Variants in COL4A5 observed in about 807,000 individuals in gnomAD.
The protein encoded by COL4A5 is collagen type IV alpha 5 chain, also known as collagen alpha-5(IV) chain.
A neutral mutation model predicts 130.2 loss-of-function variants in COL4A5; 26 were observed. The observed-to-expected ratio is 0.20, with a 90% confidence interval of 0.15 to 0.28. The LOEUF is 0.28. Among genes scored for constraint, COL4A5 ranks in the 10% least tolerant of loss-of-function variants. The pLI is 1.00. For missense variants in COL4A5, 1,131 were observed against 1,344.3 expected (o/e 0.84, Z 2.48); for synonymous variants, 496 against 439.6 (o/e 1.13, Z -1.60).
chrX:108,522,457 G>C (rs931687910), intron 1 of COL4A5, among the ~76,000 whole-genome samples: 2 of 101,597 alleles, frequency 2.0e-5, no homozygotes, highest in Non-Finnish European at 4.0e-5. Flanking sequence ...GTTATTGTCT[G>C]TCTTGATTAT....
At chrX:108,576,109 A>AC in intron 10 of COL4A5, 137 bp downstream of exon 10, 3 of 470,143 alleles carry the variant, frequency 6.4e-6, no homozygotes, top group Non-Finnish European at 7.4e-6. Flanking sequence ...TGTAAAGGTG[A>AC]CTTTACAATG....
intron 43 of COL4A5, 24 bp downstream of exon 43, chrX:108,674,777 C>CTTTTTTTTTTTTTTTTTTTTT: frequency 1.0e-6 from 1 of 981,734 alleles, no homozygotes. Context: ...CTGGTCAATT[C>CTTTTTTTTTTTTTTTTTTTTT]TTTTTTTTTT....
At chrX:108,629,647 T>C (rs2067215802) in intron 36 of COL4A5, among the ~76,000 whole-genome samples, 1 of 111,439 alleles carries the variant, frequency 9.0e-6, no homozygotes, top group Non-Finnish European at 1.9e-5. Flanking sequence ...GAGCATAGTT[T>C]TTTATTTTAT....
chrX:108,536,891 A>G (rs1365797544), intron 1 of COL4A5, among the ~76,000 whole-genome samples: 4 of 111,758 alleles, frequency 3.6e-5, no homozygotes, highest in Non-Finnish European at 7.6e-5. Context: ...AAATGTTTCA[A>G]CTTCTGAAGT....
intron 52 of COL4A5, 107 bp downstream of exon 52, chrX:108,695,546 A>T: frequency 1.2e-6 from 1 of 839,230 alleles, no homozygotes; most frequent in Non-Finnish European, 1.8e-6. Context: ...TTAGGAATTT[A>T]TTGGATTGTG....
In COL4A5 at chrX:108,602,948, A is replaced by G; in HGVS notation, c.2147-16A>G. The G allele has an allele frequency of 1.8e-6, 2 of 1,110,701 alleles. No individual in the cohort carries two copies. Among genetic ancestry groups the G allele is most frequent in the Non-Finnish European group, 2.5e-6 (2 of 816,071 alleles). The allele number at this position is 1,110,701 out of a possible 1,213,427, so 91.5% of individuals were successfully genotyped here. On this transcript the variant is annotated splice_polypyrimidine_tract_variant and intron_variant, in intron 27 of 52. Coordinates refer to ENST00000328300, the MANE Select transcript of COL4A5 (RefSeq NM_033380.3). Reference sequence around the variant, plus strand: ...CCTTTCCTTTGGTGGTTAAAAAATGACTTATCATTTTACAGGCTTTCCTGG... The same window carrying G: ...CCTTTCCTTTGGTGGTTAAAAAATGGCTTATCATTTTACAGGCTTTCCTGG...
intron 2 of COL4A5, among the ~76,000 whole-genome samples, chrX:108,547,914 C>T (rs776525965): frequency 2.8e-4 from 31 of 111,995 alleles, no homozygotes; most frequent in Non-Finnish European, 5.1e-4. Flanking sequence ...GAGCCAGGCA[C>T]GGGATATAAT....
At chrX:108,581,678 A>G (rs1051991017) in intron 16 of COL4A5, among the ~76,000 whole-genome samples, 5 of 111,216 alleles carry the variant, frequency 4.5e-5, no homozygotes, top group African/African-American at 1.6e-4. Flanking sequence ...CCTTTCACAT[A>G]ACATAATACA....
At chrX:108,667,327 C>T (rs2147956916) in intron 40 of COL4A5, 144 bp downstream of exon 40, 2 of 518,094 alleles carry the variant, frequency 3.9e-6, no homozygotes, top group African/African-American at 2.4e-5. Flanking sequence ...AACGTTAAAA[C>T]ATTTATTATT....
intron 36 of COL4A5, chrX:108,627,583 A>G (rs774551086): frequency 3.3e-5 from 23 of 707,217 alleles, no homozygotes; most frequent in Middle Eastern, 8.1e-4. Context: ...TAGTTTCATA[A>G]AAGTGTAATT....
chrX:108,634,477 C>T (rs1242928735), intron 36 of COL4A5, among the ~76,000 whole-genome samples: 2 of 111,169 alleles, frequency 1.8e-5, no homozygotes, highest in Non-Finnish European at 3.8e-5. Context: ...AGATATTTTA[C>T]AAGTTTGAAA....
chrX:108,445,034 T>C (rs1303607139), intron 1 of COL4A5, among the ~76,000 whole-genome samples: 1 of 111,427 alleles, frequency 9.0e-6, no homozygotes, highest in Non-Finnish European at 1.9e-5. Context: ...TTTTTTTTTT[T>C]AGGATGAAAT....
At position 108,632,512 on chromosome X, in the gene COL4A5, G is replaced by T. The variant is rs1324035227; in HGVS notation, c.3246+6163G>T. Among the ~76,000 whole-genome samples, 6 of 110,721 alleles carry T rather than the reference G, an allele frequency of 5.4e-5. 1 individual carries two copies. Among genetic ancestry groups the T allele is most frequent in the Admixed American group, 1.9e-4 (2 of 10,422 alleles). On this transcript the variant is annotated intron_variant, in intron 36 of 52. Transcript: ENST00000328300. ...GGCATCATCCTGATATCAAAGCCTG[G>T]CAGAGACACAACAAAAAAAAGAGAA...
At chrX:108,456,985 C>T (rs73541606) in intron 1 of COL4A5, among the ~76,000 whole-genome samples, 11,596 of 110,909 alleles carry the variant, frequency 0.1, 1,299 homozygotes, top group African/African-American at 0.34. Context: ...GCACAGGCTT[C>T]GGGGGTCTGT....
At chrX:108,577,758 G>T (rs2066177471) in intron 10 of COL4A5, among the ~76,000 whole-genome samples, 194 bp from the exon 11 acceptor site, 1 of 110,903 alleles carries the variant, frequency 9.0e-6, no homozygotes, top group African/African-American at 3.3e-5. Flanking sequence ...TTTCTATTTT[G>T]TCATCAGAGG....
Position 108,544,322 on chromosome X carries a change from C to T in COL4A5, c.141+4517C>T, listed in dbSNP as rs190770602. Among the ~76,000 whole-genome samples, 21 of 112,112 alleles carry T rather than the reference C, an allele frequency of 1.9e-4. No individual in the cohort carries two copies. In the East Asian group the frequency reaches 5.8e-3, roughly 31 times the overall value. On this transcript the variant is annotated intron_variant, in intron 2 of 52. Transcript: ENST00000328300. ...TATTAAGAGCTTTTAGCCTGAAGGG[C>T]TGTTGAATTTTGTCAAAGGCCTTTT...
chrX:108,469,193 G>A (rs1158676009), intron 1 of COL4A5, among the ~76,000 whole-genome samples: 6 of 68,399 alleles, frequency 8.8e-5, no homozygotes, highest in Non-Finnish European at 1.8e-4. Context: ...TTTTTGAAAC[G>A]GGATCTTGCT....
chrX:108,655,038 G>C (rs2067810393), intron 36 of COL4A5, among the ~76,000 whole-genome samples: 1 of 111,634 alleles, frequency 9.0e-6, no homozygotes, highest in East Asian at 2.8e-4. Flanking sequence ...AGAATAGTAT[G>C]GGCTATGTAG....
chrX:108,632,805 A>G lies in COL4A5; in HGVS notation c.3246+6456A>G, dbSNP rs754056283. Among the ~76,000 whole-genome samples the G allele has an allele frequency of 2.7e-5, 3 of 111,931 alleles. No homozygotes were observed. The South Asian group carries it at 1.1e-3, about 42-fold the overall frequency. ...AGCCCTTCATGCTAAAAACTCAATAAACTAGGTATTGATGGAACGTATCTC... is the reference window on the plus strand; with the variant it reads ...AGCCCTTCATGCTAAAAACTCAATAGACTAGGTATTGATGGAACGTATCTC... On this transcript the variant is annotated intron_variant, in intron 36 of 52. Coordinates refer to ENST00000328300, the MANE Select transcript of COL4A5 (RefSeq NM_033380.3).
Sources: allele counts gnomAD v4.1 joint callset (sites outside exome capture counted in the v4.1 genomes callset), GRCh38; gene constraint gnomAD v4.1.1; transcripts MANE v1.5; gene names NCBI Gene and HGNC (gene_info 2026-07-23, HGNC 2026-07-21).